The following SHBG variants were observed in gnomAD, a reference collection of about 807,000 sequenced individuals.
SHBG encodes sex hormone-binding globulin.
A neutral mutation model predicts 41.9 loss-of-function variants in SHBG; 37 were observed. The ratio of observed to expected loss-of-function variants is 0.88; its 90% CI spans 0.68 to 1.16. The LOEUF (loss-of-function observed/expected upper bound fraction) is 1.16, where lower values mean the gene tolerates loss of function less well. Among genes scored for constraint, SHBG ranks in the 50% most tolerant of loss-of-function variants. The probability of loss-of-function intolerance (pLI) is 0.00; values close to 1 mark genes in which losing one functional copy is unlikely to be tolerated. For synonymous variants in SHBG, 217 were observed against 205.8 expected (o/e 1.05, Z -0.47); for missense variants, 466 against 499.9 (o/e 0.93, Z 0.65).
upstream of SHBG, chr17:7,627,800 C>A: frequency 1.3e-6 from 1 of 768,984 alleles, no homozygotes; most frequent in Middle Eastern, 2.3e-4. This position sits in a 1 kb window ranked among gnomAD's most constrained non-coding sequence, Gnocchi z 4.8. Context: ...AGCTGGGATT[C>A]CGGCGCCGTA....
upstream of SHBG, chr17:7,627,564 C>T: frequency 6.2e-7 from 1 of 1,609,882 alleles, no homozygotes; most frequent in Non-Finnish European, 8.5e-7. The surrounding 1 kb of genome is among the most constrained non-coding windows in gnomAD (Gnocchi z 4.8). Context: ...GGCCTGCAGT[C>T]TTCACCCGAA....
rs532756294 is a variant in SHBG at position 7,615,590 on chromosome 17, C to T, written c.-62+1479C>T. 1.4e-4 allele frequency among the ~76,000 whole-genome samples: 21 copies of T among 146,986 alleles called. No individual in the cohort carries two copies. In the South Asian group the frequency reaches 4.3e-3, roughly 30 times the overall value. On this transcript the variant is annotated intron_variant, in intron 1 of 5. Coordinates refer to the SHBG transcript ENST00000570547. ...CCGAGGCAGGTGGATCACCTGAGGT[C>T]CTCGGATCACCTGAGGTCAGGGGTT...
chr17:7,626,865 G>A (rs2150962217), upstream of SHBG: 1 of 1,605,468 alleles, frequency 6.2e-7, no homozygotes, highest in Non-Finnish European at 8.5e-7. Context: ...GACACCGGCT[G>A]GGCTCTGGGG....
Position 7,631,734 on chromosome 17 carries a change from A to G in SHBG, c.701A>G (p.Glu234Gly). ...TTTCTCCCTCCAGGGACTCAGGCAG[A>G]ATTCAATCTCCGAGGTAGATTTCCT... ...GIFLPPGTQA[E>G]FNLRDIPQPH... Residue 234 changes from glutamate to glycine, a missense_variant, in exon 5 of 8, where the codon GAA becomes GGA. Transcript: ENST00000380450. 1 of 1,614,114 alleles carries G rather than the reference A, an allele frequency of 6.2e-7. No homozygotes were observed. Among genetic ancestry groups the G allele is most frequent in the Non-Finnish European group, 8.5e-7 (1 of 1,180,024 alleles).
At chr17:7,627,102 C>G (rs2072235896), upstream of SHBG, 1 of 1,613,346 alleles carries the variant, frequency 6.2e-7, no homozygotes, top group Non-Finnish European at 8.5e-7. This position sits in a 1 kb window ranked among gnomAD's most constrained non-coding sequence, Gnocchi z 4.8. Flanking sequence ...ACCTCTGAGG[C>G]CGGCTGGAGA....
chr17:7,628,230 T>C (rs2072287002), upstream of SHBG: 18 of 299,372 alleles, frequency 6.0e-5, no homozygotes, highest in South Asian at 5.3e-4. Context: ...CTTGGGGGCA[T>C]TTGCATTTTT....
chr17:7,631,582 A>C lies in SHBG; in HGVS notation c.556-7A>C. ...CATCCCCGTATCTTATCTCTGTCAC[A>C]CTCCAGCTGGTTCCTGCCCTGGATG... On this transcript the variant is annotated splice_region_variant and splice_polypyrimidine_tract_variant and intron_variant, in intron 4 of 7. Transcript: ENST00000380450. The C allele has an allele frequency of 1.2e-6, 2 of 1,613,422 alleles. No homozygotes were observed. Among genetic ancestry groups the C allele is most frequent in the Middle Eastern group, 1.7e-4 (1 of 6,048 alleles).
intron 7 of SHBG, 60 bp downstream of exon 7, chr17:7,633,019 G>A (rs1027272199): frequency 6.6e-6 from 10 of 1,518,866 alleles, no homozygotes; most frequent in African/African-American, 2.7e-5. Flanking sequence ...CAAGGGAGGC[G>A]GCACATTTTG....
At chr17:7,622,843 C>T (rs1392008654) in intron 1 of SHBG, among the ~76,000 whole-genome samples, 1 of 143,666 alleles carries the variant, frequency 7.0e-6, no homozygotes, top group Non-Finnish European at 1.5e-5. Context: ...TCCTGACTAA[C>T]ACAGTGAAAC....
At chr17:7,632,607 G>T in intron 6 of SHBG, 145 bp from the exon 7 acceptor site, 1 of 670,420 alleles carries the variant, frequency 1.5e-6, no homozygotes, top group South Asian at 1.7e-5. Context: ...AAAAAATTGG[G>T]GCAGGATTTA....
At chr17:7,628,027 G>T, upstream of SHBG, 1 of 473,654 alleles carries the variant, frequency 2.1e-6, no homozygotes, top group South Asian at 1.5e-5. Context: ...TTGCGGTTGT[G>T]TGGGTGTCCC....
At chr17:7,624,426 A>G (rs1033320598), upstream of SHBG, among the ~76,000 whole-genome samples, 6 of 151,718 alleles carry the variant, frequency 4.0e-5, no homozygotes, top group Non-Finnish European at 7.4e-5. Context: ...TTGTATTTTT[A>G]GTTGAGATGG....
upstream of SHBG, among the ~76,000 whole-genome samples, chr17:7,628,924 C>T (rs1251606427): frequency 3.9e-5 from 6 of 152,016 alleles, no homozygotes; most frequent in African/African-American, 7.2e-5. Context: ...GGTGTGGTGG[C>T]GCATGCCTTT....
At chr17:7,625,475 G>A (rs1336935488), upstream of SHBG, among the ~76,000 whole-genome samples, 1 of 151,866 alleles carries the variant, frequency 6.6e-6, no homozygotes, top group African/African-American at 2.4e-5. Flanking sequence ...TGTTCAGGAG[G>A]CTGAGGCAGG....
rs1597919631 is a variant in SHBG at position 7,631,187 on chromosome 17, C to T, written c.394-13C>T. Reference sequence around the variant, plus strand: ...CCCAGGGGCCTCTGATTTTGCTTCCCACCTTCCTGCAGGTGGAAGTCAAGA... The same window carrying T: ...CCCAGGGGCCTCTGATTTTGCTTCCTACCTTCCTGCAGGTGGAAGTCAAGA... On this transcript the variant is annotated splice_polypyrimidine_tract_variant and intron_variant, in intron 3 of 7. Transcript: ENST00000380450. 1 of 1,536,888 alleles carries T rather than the reference C, an allele frequency of 6.5e-7. No individual in the cohort carries two copies.
Position 7,632,973 on chromosome 17 carries a change from A to C in SHBG, c.1060+14A>C, listed in dbSNP as rs776237984. On this transcript the variant is annotated intron_variant, in intron 7 of 7. Transcript: ENST00000380450. The stretch of plus-strand genomic sequence containing the variant: ...GGGCTTTACCAGGTAAGAGAGAATG[A>C]TGTTCAAGTTCATGAGCACAACATT... The C allele has an allele frequency of 1.7e-5, 28 of 1,607,034 alleles. No individual in the cohort carries two copies. Among genetic ancestry groups the C allele is most frequent in the Non-Finnish European group, 2.4e-5 (28 of 1,173,976 alleles).
At chr17:7,615,582 C>T (rs1187366564) in intron 1 of SHBG, among the ~76,000 whole-genome samples, 2 of 149,014 alleles carry the variant, frequency 1.3e-5, no homozygotes, top group African/African-American at 2.5e-5. Flanking sequence ...AGGTGGATCA[C>T]CTGAGGTCCT....
chr17:7,621,306 A>G (rs2150957653), intron 1 of SHBG, among the ~76,000 whole-genome samples: 1 of 141,374 alleles, frequency 7.1e-6, no homozygotes, highest in East Asian at 2.1e-4. Flanking sequence ...TAAAAATACA[A>G]AAATTATGGG....
At chr17:7,614,611 T>C in intron 1 of SHBG, 1 of 909,032 alleles carries the variant, frequency 1.1e-6, no homozygotes. Context: ...GCCCCCGGCG[T>C]CTCCCCGGAG....
Sources: gnomAD v4.1 joint callset for allele counts (sites outside exome capture counted in the v4.1 genomes callset) on GRCh38, gnomAD v4.1.1 for gene constraint, Gnocchi (gnomAD v3.1) non-coding constraint, MANE v1.5 for transcripts, NCBI Gene and HGNC (gene_info 2026-07-23, HGNC 2026-07-21) for gene names.